YY1AP1: variants seen among roughly 807,000 people sequenced by gnomAD.
YY1AP1 encodes the protein YY1 associated protein 1, also known as YY1-associated protein 1.
YY1AP1 carries 43 observed loss-of-function variants against 39.9 expected under a neutral mutation model. That is an observed-to-expected ratio of 1.08 (90% CI 0.84 to 1.39). The LOEUF is 1.39. Among genes scored for constraint, YY1AP1 ranks in the 40% most tolerant of loss-of-function variants. The pLI is 0.00. For missense variants in YY1AP1, 813 were observed against 900.7 expected, an observed-to-expected ratio of 0.90 and a Z score of 1.25; for synonymous variants, 292 against 331.3, an observed-to-expected ratio of 0.88 and a Z score of 1.29.
intron 5 of YY1AP1, 73 bp downstream of exon 5, chr1:155,676,475 T>C: frequency 6.4e-7 from 1 of 1,573,080 alleles, no homozygotes; most frequent in Non-Finnish European, 8.7e-7. Context: ...AGCTGCTAAT[T>C]TTAGATTATA....
intron 9 of YY1AP1, among the ~76,000 whole-genome samples, chr1:155,667,650 C>G (rs1649213629): frequency 6.6e-6 from 1 of 151,882 alleles, no homozygotes; most frequent in African/African-American, 2.4e-5. Flanking sequence ...ATGGTGAAAC[C>G]CCGACTCTAC....
intron 7 of YY1AP1, chr1:155,672,141 C>T (rs1034195509): frequency 7.3e-6 from 2 of 275,354 alleles, no homozygotes; most frequent in Non-Finnish European, 1.4e-5. Context: ...ACCTATGCTA[C>T]AATCATTATG....
intron 8 of YY1AP1, among the ~76,000 whole-genome samples, chr1:155,669,789 G>T (rs1030800229): frequency 6.6e-6 from 1 of 152,152 alleles, no homozygotes; most frequent in Admixed American, 6.6e-5. Context: ...CACTTTGGGA[G>T]GCCAGGAGTG....
chr1:155,660,031 T>C lies in YY1AP1; in HGVS notation c.1879A>G (p.Ile627Val), dbSNP rs993494970. Reference protein sequence around the residue: ...IVSGNSVNLPIPSTPEDKAHM... With the variant: ...IVSGNSVNLPVPSTPEDKAHM... ...GCCTTATCTTCAGGGGTGGATGGTA[T>C]AGGAAGATTCACAGAATTGCCAGAA... is the stretch of plus-strand genomic sequence containing the variant. The change falls in exon 11 of 11, where the codon ATA becomes GTA. Residue 627 changes from isoleucine to valine, a missense_variant. Physicochemically the swap from Ile to Val is conservative, Grantham distance 29. Coordinates refer to ENST00000355499, the MANE Select transcript of YY1AP1 (RefSeq NM_139119.3). 1.9e-5 allele frequency: 30 copies of C among 1,613,934 alleles called. No homozygotes were observed. Among genetic ancestry groups the C allele is most frequent in the East Asian group, 1.3e-4 (6 of 44,878 alleles).
chr1:155,668,513 A>T, intron 9 of YY1AP1, 114 bp downstream of exon 9: 6 of 1,524,274 alleles, frequency 3.9e-6, no homozygotes, highest in Non-Finnish European at 5.4e-6. Flanking sequence ...GTATATAAGT[A>T]GGAGAAATTA....
chr1:155,667,315 G>C (rs1649149660), intron 9 of YY1AP1, among the ~76,000 whole-genome samples: 1 of 152,070 alleles, frequency 6.6e-6, no homozygotes, highest in Non-Finnish European at 1.5e-5. Flanking sequence ...ACCAGCCTGG[G>C]AAACAAAATG....
At position 155,671,301 on chromosome 1, in the gene YY1AP1, C is replaced by T. The variant is rs569499914; in HGVS notation, c.584-837G>A. 3.3e-5 allele frequency among the ~76,000 whole-genome samples: 5 copies of T among 151,880 alleles called. No homozygotes were observed. The East Asian group carries it at 7.8e-4, about 24-fold the overall frequency. On this transcript the variant is annotated intron_variant, in intron 7 of 10. Transcript: ENST00000355499. ...TAAAAATTAGCCAGGCATGGTGGCA[C>T]GCACCTGTAATTCCAGCTACTTGGG...
chr1:155,685,654 T>C (rs1462944710), intron 2 of YY1AP1, among the ~76,000 whole-genome samples: 1 of 152,168 alleles, frequency 6.6e-6, no homozygotes, highest in Non-Finnish European at 1.5e-5. Context: ...TGTCAACATG[T>C]TCAAATACTA....
At chr1:155,679,342 T>C (rs1651188413) in intron 4 of YY1AP1, 67 bp downstream of exon 4, 2 of 1,610,016 alleles carry the variant, frequency 1.2e-6, no homozygotes, top group Non-Finnish European at 8.5e-7. Flanking sequence ...TAACTGCAAC[T>C]TCTGAAAACC....
rs1409952704 is a variant in YY1AP1 at position 155,672,199 on chromosome 1, T to C, written c.583+361A>G. 3 of 342,274 alleles carry C rather than the reference T, an allele frequency of 8.8e-6. No homozygotes were observed. In the East Asian group the frequency reaches 2.0e-4, roughly 23 times the overall value. The allele number at this position is 342,274 out of a possible 1,614,324, so 21.2% of individuals were successfully genotyped here. ...AATGAAGAGAATAAAAAGCTAAACA[T>C]GACCGAACTTTACCACCTGACTTTC... On this transcript the variant is annotated intron_variant, in intron 7 of 10. Transcript: ENST00000355499.
Position 155,668,779 on chromosome 1 carries a change from T to C in YY1AP1, c.729-2A>G. On this transcript the variant is annotated splice_acceptor_variant, in intron 8 of 10. Coordinates refer to ENST00000355499, the MANE Select transcript of YY1AP1 (RefSeq NM_139119.3). LOFTEE classifies it high-confidence loss of function. ...TGCTTCAGTCCTAAAGCTAACAAACTGAGAAAGGAGCAATAACACTAAATC... is the reference window on the plus strand; with the variant it reads ...TGCTTCAGTCCTAAAGCTAACAAACCGAGAAAGGAGCAATAACACTAAATC... The C allele has an allele frequency of 1.2e-6, 2 of 1,614,158 alleles. No individual in the cohort carries two copies. Among genetic ancestry groups the C allele is most frequent in the Non-Finnish European group, 1.7e-6 (2 of 1,180,016 alleles).
chr1:155,673,525 G>C (rs1177158648), intron 6 of YY1AP1, among the ~76,000 whole-genome samples: 1 of 152,028 alleles, frequency 6.6e-6, no homozygotes, highest in East Asian at 1.9e-4. Flanking sequence ...CCAAAAGTTT[G>C]AGGCAATTTT....
intron 2 of YY1AP1, among the ~76,000 whole-genome samples, chr1:155,682,321 T>C (rs1186657849): frequency 6.6e-6 from 1 of 152,192 alleles, no homozygotes; most frequent in African/African-American, 2.4e-5. Flanking sequence ...ATTCTAGCTA[T>C]CTAGCATTCT....
intron 6 of YY1AP1, among the ~76,000 whole-genome samples, chr1:155,674,093 G>A (rs377018181): frequency 1.2e-3 from 181 of 148,654 alleles, no homozygotes; most frequent in African/African-American, 4.2e-3. Flanking sequence ...CCCGGGAGGC[G>A]GAGCTTGCAG....
At chr1:155,684,992 A>C (rs1652022562) in intron 2 of YY1AP1, among the ~76,000 whole-genome samples, 1 of 152,198 alleles carries the variant, frequency 6.6e-6, no homozygotes, top group Non-Finnish European at 1.5e-5. Context: ...AGGGCTTTCT[A>C]CATGTATGTA....
At chr1:155,680,119 T>C in intron 3 of YY1AP1, 1 of 284,366 alleles carries the variant, frequency 3.5e-6, no homozygotes, top group East Asian at 8.9e-5. Context: ...TCGAGGCTGC[T>C]GTGAGCTGAG....
At chr1:155,667,089 C>A (rs796101491) in intron 9 of YY1AP1, among the ~76,000 whole-genome samples, 1 of 152,250 alleles carries the variant, frequency 6.6e-6, no homozygotes, top group East Asian at 1.9e-4. Flanking sequence ...GGGAGGCTGA[C>A]GTTGGAAGAA....
At chr1:155,666,269 C>G (rs1218179740) in intron 9 of YY1AP1, among the ~76,000 whole-genome samples, 2 of 152,002 alleles carry the variant, frequency 1.3e-5, no homozygotes, top group African/African-American at 4.8e-5. Flanking sequence ...CTACAGGCGC[C>G]CGCCACCACG....
intron 8 of YY1AP1, 115 bp downstream of exon 8, chr1:155,670,205 T>C (rs960179819): frequency 1.4e-6 from 2 of 1,436,982 alleles, no homozygotes; most frequent in Admixed American, 1.8e-5. Context: ...TGCTCATCTA[T>C]ACTGCTTTTC....
Sources: allele counts gnomAD v4.1 joint callset (sites outside exome capture counted in the v4.1 genomes callset), GRCh38; gene constraint gnomAD v4.1.1; transcripts MANE v1.5; gene names NCBI Gene and HGNC (gene_info 2026-07-23, HGNC 2026-07-21).